The following MRM2 variants were observed in gnomAD, a reference collection of about 807,000 sequenced individuals.
MRM2 encodes rRNA methyltransferase 2, mitochondrial.
MRM2 carries 15 observed loss-of-function variants against 10.9 expected under a neutral mutation model. The ratio of observed to expected loss-of-function variants is 1.37; its 90% confidence interval spans 0.92 to 2.11. MRM2 has a LOEUF of 2.11. Among genes scored for constraint, MRM2 ranks in the 30% most tolerant of loss-of-function variants. MRM2 has a pLI of 0.00. For missense variants in MRM2, 328 were observed against 321.3 expected, an observed-to-expected ratio of 1.02 and a Z score of -0.16; for synonymous variants, 139 against 128.7, an observed-to-expected ratio of 1.08 and a Z score of -0.54.
intron 2 of MRM2, among the ~76,000 whole-genome samples, chr7:2,235,914 G>T (rs1794412178): frequency 6.6e-6 from 1 of 152,162 alleles, no homozygotes; most frequent in Admixed American, 6.5e-5. Context: ...TCTTATCTCT[G>T]AGTGCTCTTT....
chr7:2,242,121 A>T (rs1211985629), intron 1 of MRM2, 41 bp downstream of exon 1: 10 of 1,578,212 alleles, frequency 6.3e-6, no homozygotes, highest in Admixed American at 1.7e-5. Flanking sequence ...ACCCCCAACC[A>T]CTCCCGCTGT....
At chr7:2,239,342 C>T (rs1794478001) in intron 2 of MRM2, 76 bp downstream of exon 2, 1 of 1,458,036 alleles carries the variant, frequency 6.9e-7, no homozygotes, top group Non-Finnish European at 9.5e-7. Context: ...CCCGCATCCA[C>T]TGGCAAAGGC....
At chr7:2,237,360 G>A (rs113112086) in intron 2 of MRM2, among the ~76,000 whole-genome samples, 2 of 152,096 alleles carry the variant, frequency 1.3e-5, no homozygotes, top group Non-Finnish European at 2.9e-5. Flanking sequence ...TACAACCTTC[G>A]GAAATTTCCA....
At chr7:2,239,334 C>A (rs528044037) in intron 2 of MRM2, 84 bp downstream of exon 2, 2 of 1,368,152 alleles carry the variant, frequency 1.5e-6, no homozygotes, top group Admixed American at 1.8e-5. Flanking sequence ...TCCACCATCC[C>A]GCATCCACTG....
chr7:2,239,807 G>T, intron 1 of MRM2, 100 bp from the exon 2 acceptor site: 2 of 1,087,758 alleles, frequency 1.8e-6, no homozygotes, highest in Admixed American at 2.1e-5. Flanking sequence ...TCTAGAGATG[G>T]GGCACCAAGG....
At chr7:2,237,475 C>G (rs1283872521) in intron 2 of MRM2, among the ~76,000 whole-genome samples, 1 of 152,172 alleles carries the variant, frequency 6.6e-6, no homozygotes, top group Non-Finnish European at 1.5e-5. Flanking sequence ...CTACAAGGCA[C>G]GCTGGGCCAC....
At chr7:2,241,935 C>G (rs1473025055) in intron 1 of MRM2, 2 of 477,900 alleles carry the variant, frequency 4.2e-6, no homozygotes, top group Non-Finnish European at 7.3e-6. Flanking sequence ...GCCGCCGGCC[C>G]CGGCCTCCCC....
In MRM2 at chr7:2,242,150, C is replaced by G. The variant is rs1276287371; in HGVS notation, c.8+12G>C. The G allele has an allele frequency of 1.9e-6, 3 of 1,582,890 alleles. No individual in the cohort carries two copies. The highest frequency in any genetic ancestry group is 1.7e-5 in the Admixed American group (1 of 58,464). ...CCGCTGTCTGCACGCGCAGCAGCAG[C>G]GCCCAGCTCACCCCGCCATTGGTGT... On this transcript the variant is annotated intron_variant, in intron 1 of 2. Coordinates refer to ENST00000242257, the MANE Select transcript of MRM2 (RefSeq NM_013393.3).
At chr7:2,237,129 C>T (rs966204187) in intron 2 of MRM2, among the ~76,000 whole-genome samples, 1 of 152,192 alleles carries the variant, frequency 6.6e-6, no homozygotes, top group African/African-American at 2.4e-5. Context: ...ACCTCAGCTT[C>T]CCAAGGAGCT....
At chr7:2,242,067 G>C (rs1330242569) in intron 1 of MRM2, 95 bp downstream of exon 1, 4 of 1,344,930 alleles carry the variant, frequency 3.0e-6, no homozygotes, top group African/African-American at 1.5e-5. Context: ...CCCAGCGCTC[G>C]GCACCCAGCC....
At position 2,235,359 on chromosome 7, in the gene MRM2, GT is replaced by G; in HGVS notation, c.503del (p.Asp168AlafsTer8). On this transcript the variant is annotated frameshift_variant, in exon 3 of 3. Transcript: ENST00000242257. LOFTEE classifies it low-confidence loss of function (END_TRUNC). ...GGGTCAGGCACAGGCTGATGAGCCTGTCATGATCGAGGTCCCGGAACCCTGT... is the reference window on the plus strand; with the variant it reads ...GGGTCAGGCACAGGCTGATGAGCCTGCATGATCGAGGTCCCGGAACCCTGT... ...NATGFRDLDH[D>X]RLISLCLTLL... 6.2e-7 allele frequency: 1 copy of G among 1,614,116 alleles called. No individual in the cohort carries two copies. Among genetic ancestry groups the G allele is most frequent in the South Asian group, 1.1e-5 (1 of 91,090 alleles).
chr7:2,239,338 T>C, intron 2 of MRM2, 80 bp downstream of exon 2: 1 of 1,404,042 alleles, frequency 7.1e-7, no homozygotes, highest in Non-Finnish European at 1.0e-6. Context: ...CCATCCCGCA[T>C]CCACTGGCAA....
At chr7:2,239,025 AT>A (rs1158674020) in intron 2 of MRM2, 648 of 20,970 alleles carry the variant, frequency 0.031, 35 homozygotes, top group African/African-American at 0.058. Flanking sequence ...ATATATATAT[AT>A]ATAATACATA....
chr7:2,241,544 C>T (rs1385695824), intron 1 of MRM2, among the ~76,000 whole-genome samples: 2 of 151,876 alleles, frequency 1.3e-5, no homozygotes, highest in African/African-American at 4.8e-5. Flanking sequence ...TCAAACGATC[C>T]TCCTGCCTCA....
rs1294311155 is a variant in MRM2 at position 2,235,547 on chromosome 7, C to T, written c.316G>A (p.Gly106Ser). Residue 106 changes from glycine to serine, a missense_variant, in exon 3 of 3, where the codon GGC becomes AGC. Coordinates refer to ENST00000242257, the MANE Select transcript of MRM2 (RefSeq NM_013393.3). ...AGAAGATCTACCCCAAGCACGAAGCCAACAGGAGAGCTGGGATCTATGGAA... is the reference window on the plus strand; with the variant it reads ...AGAAGATCTACCCCAAGCACGAAGCTAACAGGAGAGCTGGGATCTATGGAA... ...AAGTDPSSPV[G>S]FVLGVDLLHI... 1.2e-6 allele frequency: 2 copies of T among 1,610,126 alleles called. No individual in the cohort carries two copies. Among genetic ancestry groups the T allele is most frequent in the East Asian group, 2.2e-5 (1 of 44,828 alleles).
intron 2 of MRM2, among the ~76,000 whole-genome samples, chr7:2,237,441 GCT>G (rs931147199): frequency 2.2e-4 from 33 of 152,148 alleles, no homozygotes; most frequent in African/African-American, 8.0e-4. Flanking sequence ...TCACGCTCAC[GCT>G]CTCTCCTTCT....
At chr7:2,237,697 G>GC (rs1180668658) in intron 2 of MRM2, among the ~76,000 whole-genome samples, 3 of 152,126 alleles carry the variant, frequency 2.0e-5, no homozygotes, top group African/African-American at 7.2e-5. Flanking sequence ...CCTCGAGGAT[G>GC]CTGGGAGGCA....
rs974819310 is a variant in MRM2 at position 2,234,811 on chromosome 7, G to A, written c.*311C>T. The A allele has an allele frequency of 4.3e-5, 16 of 370,466 alleles. No homozygotes were observed. Among genetic ancestry groups the A allele is most frequent in the Admixed American group, 1.8e-4 (4 of 22,172 alleles). The allele number at this position is 370,466 out of a possible 1,614,324, so 22.9% of individuals were successfully genotyped here. On this transcript the variant is annotated 3_prime_UTR_variant, in exon 3 of 3. Coordinates refer to ENST00000242257, the MANE Select transcript of MRM2 (RefSeq NM_013393.3). ...ACATGGGCACACCCATCCCTGCCTCGGCGGATTCCTTCTGATCCTTCCCAC... is the reference window on the plus strand; with the variant it reads ...ACATGGGCACACCCATCCCTGCCTCAGCGGATTCCTTCTGATCCTTCCCAC...
chr7:2,239,028 T>TATATATATATATATAAAA (rs1554259000), intron 2 of MRM2: 1 of 84,140 alleles, frequency 1.2e-5, no homozygotes, highest in Non-Finnish European at 2.3e-5. Context: ...TATATATATA[T>TATATATATATATATAAAA]AATACATATA....
Sources: gnomAD v4.1 joint callset for allele counts (sites outside exome capture counted in the v4.1 genomes callset) on GRCh38, gnomAD v4.1.1 for gene constraint, MANE v1.5 for transcripts, NCBI Gene and HGNC (gene_info 2026-07-23, HGNC 2026-07-21) for gene names.